Variants in SREK1 observed in about 807,000 individuals in gnomAD.
The protein encoded by SREK1 is splicing regulatory glutamine/lysine-rich protein 1.
In SREK1, 13 loss-of-function variants were observed where a neutral mutation model predicts 66.5. The observed-to-expected ratio is 0.20, with a 90% CI of 0.13 to 0.31. SREK1 has a LOEUF of 0.31. Ranked by LOEUF, SREK1 falls within the 10% of genes least tolerant of loss-of-function variation. The pLI is 1.00. For synonymous variants in SREK1, 265 were observed against 263.5 expected (o/e 1.01, Z -0.05); for missense variants, 607 against 769.6 (o/e 0.79, Z 2.50).
intron 1 of SREK1, among the ~76,000 whole-genome samples, chr5:66,148,513 A>T (rs1436079624): frequency 6.6e-6 from 1 of 152,218 alleles, no homozygotes; most frequent in Non-Finnish European, 1.5e-5. Context: ...AAAAATTGAT[A>T]AGATTTTGTA....
intron 6 of SREK1, chr5:66,164,491 A>C (rs1347552106): frequency 9.6e-7 from 1 of 1,047,042 alleles, no homozygotes; most frequent in Non-Finnish European, 1.3e-6. Flanking sequence ...TAAGTGGAGA[A>C]AGGACTTAAA....
intron 7 of SREK1, chr5:66,167,729 A>G (rs1216405291): frequency 6.6e-6 from 1 of 152,206 alleles, no homozygotes. Context: ...TTATTAACTT[A>G]TTTATGAGAG....
chr5:66,164,131 G>A lies in SREK1; in HGVS notation c.886+209G>A, dbSNP rs932164802. 2.1e-5 allele frequency: 11 copies of A among 521,032 alleles called. No individual in the cohort carries two copies. In the East Asian group the frequency reaches 3.6e-4, roughly 17 times the overall value. 32.3% of individuals were successfully genotyped at this position (521,032 alleles called of 1,614,324 possible). A position where few individuals can be genotyped will look rare whatever the true frequency, so the allele number is the denominator to read the frequency against. ...TGTGATACTGAATTGAGGCACTTTA[G>A]TCTGAGCTAATCAGCTCTGTATTTT... On this transcript the variant is annotated intron_variant, in intron 6 of 11. Coordinates refer to ENST00000334121, the MANE Select transcript of SREK1 (RefSeq NM_001077199.3).
At chr5:66,147,946 TTATA>T (rs1743411726) in intron 1 of SREK1, among the ~76,000 whole-genome samples, 1 of 152,056 alleles carries the variant, frequency 6.6e-6, no homozygotes, top group South Asian at 2.1e-4. Context: ...GCTGTCTTAT[TTATA>T]GTAATATTTA....
intron 9 of SREK1, among the ~76,000 whole-genome samples, chr5:66,173,386 A>C (rs1039498317): frequency 6.6e-6 from 1 of 152,192 alleles, no homozygotes; most frequent in Non-Finnish European, 1.5e-5. Flanking sequence ...TCTGTGTCAC[A>C]CTCTATGCTT....
chr5:66,172,849 TAGAC>T (rs1484348838), intron 9 of SREK1, among the ~76,000 whole-genome samples: 3 of 147,500 alleles, frequency 2.0e-5, no homozygotes, highest in East Asian at 3.9e-4. Context: ...TTTTTTTTTT[TAGAC>T]AGAGTGTCAC....
intron 6 of SREK1, 89 bp from the exon 7 acceptor site, chr5:66,164,694 A>T: frequency 1.9e-6 from 3 of 1,609,290 alleles, no homozygotes; most frequent in Non-Finnish European, 2.5e-6. Context: ...CCCTTGCACT[A>T]TATGTGGTAC....
rs1462999738 is a variant in SREK1, at chr5:66,170,866, A to G, written c.1403A>G (p.Asp468Gly). 6.2e-7 allele frequency: 1 copy of G among 1,613,702 alleles called. No homozygotes were observed. The highest frequency in any genetic ancestry group is 8.5e-7 in the Non-Finnish European group (1 of 1,179,962). The change falls in exon 9 of 12, where the codon GAT becomes GGT. Residue 468 changes from aspartate (D) to glycine (G), a missense_variant. Asp to Gly is a moderately conservative substitution (Grantham distance 94). Coordinates refer to ENST00000334121, the MANE Select transcript of SREK1 (RefSeq NM_001077199.3). The part of the protein sequence containing the change: ...EREKDRSKEI[D>G]EKRKKDKKSR... ...GAAAAAGACAGATCCAAAGAGATAGATGAAAAAAGAAAGAAGGATAAAAAA... is the reference window on the plus strand; with the variant it reads ...GAAAAAGACAGATCCAAAGAGATAGGTGAAAAAAGAAAGAAGGATAAAAAA...
intron 11 of SREK1, among the ~76,000 whole-genome samples, chr5:66,178,186 G>A (rs965845236): frequency 1.7e-4 from 25 of 151,440 alleles, no homozygotes; most frequent in South Asian, 2.1e-4. Context: ...TTTATGTACT[G>A]TAATACTGAT....
chr5:66,145,092 T>G lies in SREK1; in HGVS notation c.161+555T>G, dbSNP rs908305485. On this transcript the variant is annotated intron_variant, in intron 1 of 11. Coordinates refer to ENST00000334121, the MANE Select transcript of SREK1 (RefSeq NM_001077199.3). ...TGGTTTATCTAACCGAGCGCATCCATGTTCCCAAAGATCATGTCTGTTAGC... is the reference window on the plus strand; with the variant it reads ...TGGTTTATCTAACCGAGCGCATCCAGGTTCCCAAAGATCATGTCTGTTAGC... 1.6e-5 allele frequency: 16 copies of G among 985,630 alleles called. No homozygotes were observed. The East Asian group carries it at 1.6e-3, about 98-fold the overall frequency. The allele number at this position is 985,630 out of a possible 1,614,324, so 61.1% of individuals were successfully genotyped here.
In SREK1 at chr5:66,163,884, G is replaced by A. The variant is rs1354576897; in HGVS notation, c.848G>A (p.Arg283Gln). ...TTAGAAGAAGTAATGAAGCGAGTAC[G>A]AGAAGCTCAGTCATTTATCTCAGCA... ...KELEEVMKRV[R>Q]EAQSFISAAI... is the part of the protein sequence containing the mutation. The change falls in exon 6 of 12, where the codon CGA (arginine) becomes CAA (glutamine). Residue 283 changes from arginine (R) to glutamine (Q), a missense_variant. Transcript: ENST00000334121. 6.2e-7 allele frequency: 1 copy of A among 1,613,654 alleles called. No homozygotes were observed.
At chr5:66,169,855 T>C in intron 7 of SREK1, 196 bp from the exon 8 acceptor site, 1 of 384,666 alleles carries the variant, frequency 2.6e-6, no homozygotes, top group Non-Finnish European at 4.6e-6. Flanking sequence ...TGTTAAATTC[T>C]TTGTTTCTGT....
chr5:66,156,542 A>G (rs1744299567), intron 2 of SREK1: 1 of 986,606 alleles, frequency 1.0e-6, no homozygotes, highest in Non-Finnish European at 1.2e-6. Flanking sequence ...TAAGTATCTC[A>G]GGAACACTTT....
intron 1 of SREK1, among the ~76,000 whole-genome samples, chr5:66,150,601 T>A (rs577068115): frequency 6.6e-6 from 1 of 152,204 alleles, no homozygotes; most frequent in African/African-American, 2.4e-5. Context: ...TAATAAGGAT[T>A]TGAGGTTGGG....
intron 2 of SREK1, among the ~76,000 whole-genome samples, chr5:66,155,225 C>A (rs936464736): frequency 4.6e-5 from 7 of 151,960 alleles, no homozygotes; most frequent in Admixed American, 3.9e-4. Flanking sequence ...TCAGATGTAC[C>A]TTTTTAGTGT....
At chr5:66,160,594 G>A (rs1744674663) in intron 3 of SREK1, among the ~76,000 whole-genome samples, 1 of 152,044 alleles carries the variant, frequency 6.6e-6, no homozygotes, top group Admixed American at 6.5e-5. Context: ...TGGAAAGAGG[G>A]GTTTGAGTTT....
At chr5:66,159,122 A>G (rs1744520354) in intron 2 of SREK1, 97 bp from the exon 3 acceptor site, 4 of 1,451,846 alleles carry the variant, frequency 2.8e-6, no homozygotes, top group East Asian at 2.5e-5. Flanking sequence ...TTCATTTATT[A>G]TTATTATTTT....
intron 1 of SREK1, 127 bp from the exon 2 acceptor site, chr5:66,153,336 A>T: frequency 8.3e-7 from 1 of 1,206,882 alleles, no homozygotes; most frequent in Non-Finnish European, 1.1e-6. Flanking sequence ...AATGATCCTT[A>T]ATAACAAAAA....
intron 2 of SREK1, chr5:66,155,937 G>T: frequency 1.5e-6 from 2 of 1,366,364 alleles, no homozygotes; most frequent in South Asian, 1.3e-5. Flanking sequence ...AAAAGATACG[G>T]TCAAACATAA....
Sources: allele counts gnomAD v4.1 joint callset (sites outside exome capture counted in the v4.1 genomes callset), GRCh38; gene constraint gnomAD v4.1.1; transcripts MANE v1.5; gene names NCBI Gene and HGNC (gene_info 2026-07-23, HGNC 2026-07-21).